Variants in CCDC66 observed in about 807,000 individuals in gnomAD.
CCDC66 encodes the protein coiled-coil domain-containing protein 66.
In CCDC66, 133 loss-of-function variants were observed where a neutral mutation model predicts 128.3. The ratio of observed to expected loss-of-function variants is 1.04; its 90% CI spans 0.90 to 1.20. The LOEUF (loss-of-function observed/expected upper bound fraction) is 1.20, where lower values mean the gene tolerates loss of function less well. Among genes scored for constraint, CCDC66 ranks in the 50% most tolerant of loss-of-function variants. The probability of loss-of-function intolerance (pLI) is 0.00; values close to 1 mark genes in which losing one functional copy is unlikely to be tolerated. For synonymous variants in CCDC66, 387 were observed against 357.0 expected (o/e 1.08, Z -0.95); for missense variants, 1,126 against 1,075.5 (o/e 1.05, Z -0.66).
chr3:56,559,610 TTGACC>T lies in CCDC66; in HGVS notation c.102+24_102+28del. On this transcript the variant is annotated intron_variant, in intron 3 of 17. Coordinates refer to ENST00000394672, the MANE Select transcript of CCDC66 (RefSeq NM_001141947.3). ...TTCTGTGAAGGTAAGCCGTATAACT[TTGACC>T]TGACCTGTTTTCAAATGTAAAATGC... 2 of 1,522,734 alleles carry T rather than the reference TTGACC, an allele frequency of 1.3e-6. No individual in the cohort carries two copies. The highest frequency in any genetic ancestry group is 1.8e-6 in the Non-Finnish European group (2 of 1,133,712). The allele number at this position is 1,522,734 out of a possible 1,614,324, so 94.3% of individuals were successfully genotyped here. A position where few individuals can be genotyped will look rare whatever the true frequency, so the allele number is the denominator to read the frequency against.
chr3:56,584,954 T>TGGCGGCACACGCCTGCAGTCGC (rs1397503243), intron 7 of CCDC66, among the ~76,000 whole-genome samples: 3 of 151,804 alleles, frequency 2.0e-5, no homozygotes, highest in Non-Finnish European at 4.4e-5. Context: ...CAGTCAGGCG[T>TGGCGGCACACGCCTGCAGTCGC]GGCGGCACAC....
In CCDC66 at chr3:56,566,738, A is replaced by T. The variant is rs746307461; in HGVS notation, c.689A>T (p.Gln230Leu). 1.2e-6 allele frequency: 2 copies of T among 1,610,450 alleles called. No homozygotes were observed. The highest frequency in any genetic ancestry group is 1.7e-6 in the Non-Finnish European group (2 of 1,178,378). ...AATGAACATCAGGAGACATCTAAAC[A>T]GTGTGAGCAAAAAATTGCCATGTAT... ...VLNEHQETSK[Q>L]CEQKIAIENE... The change falls in exon 5 of 18, where the codon CAG (glutamine) becomes CTG (leucine). Residue 230 changes from glutamine to leucine, a missense_variant. Physicochemically the swap from Gln to Leu is moderately radical, Grantham distance 113. Coordinates refer to ENST00000394672, the MANE Select transcript of CCDC66 (RefSeq NM_001141947.3).
chr3:56,596,664 ACT>A (rs1439434580), intron 10 of CCDC66, among the ~76,000 whole-genome samples: 3 of 149,042 alleles, frequency 2.0e-5, no homozygotes, highest in African/African-American at 7.5e-5. Context: ...TCGACCACAA[ACT>A]CTATACCAGT....
Position 56,621,541 on chromosome 3 carries a change from C to T in CCDC66, c.2770C>T (p.Gln924Ter), listed in dbSNP as rs377083364. The T allele has an allele frequency of 1.3e-5, 21 of 1,591,164 alleles. No individual in the cohort carries two copies. Among genetic ancestry groups the T allele is most frequent in the Non-Finnish European group, 1.8e-5 (21 of 1,169,304 alleles). ...ATCAATGTGATTTCAGGGCCTTCTC[C>T]AGAAGCAAAAGGAGTTGGAAAGTAG... ...GLSELRQGLL[Q>*]KQKELESSLL... The change falls in exon 18 of 18, where the codon CAG becomes TAG. Residue 924 changes from glutamine (Q) to a stop codon, truncating the protein, a stop_gained. Coordinates refer to ENST00000394672, the MANE Select transcript of CCDC66 (RefSeq NM_001141947.3). LOFTEE classifies it high-confidence loss of function.
intron 4 of CCDC66, among the ~76,000 whole-genome samples, chr3:56,564,355 G>T (rs1285725092): frequency 6.6e-6 from 1 of 152,022 alleles, no homozygotes; most frequent in Admixed American, 6.6e-5. Flanking sequence ...AGTTTCTGTG[G>T]ATTTTAGAAA....
rs2065471727 is a variant in CCDC66, at chr3:56,564,114, A to G, written c.533A>G (p.Lys178Arg). The G allele has an allele frequency of 2.5e-6, 4 of 1,589,068 alleles. No individual in the cohort carries two copies. Among genetic ancestry groups the G allele is most frequent in the Non-Finnish European group, 3.4e-6 (4 of 1,169,382 alleles). ...NRSLSLTENGKEAKSQYSLYL... is the reference protein window; with the variant it reads ...NRSLSLTENGREAKSQYSLYL... The stretch of plus-strand genomic sequence containing the variant: ...TCTCTTTCCCTGACTGAGAATGGAA[A>G]GGAGGCAAAAAGTAAGATTTTTCTA... The change falls in exon 4 of 18, where the codon AAG (lysine) becomes AGG (arginine). Residue 178 changes from lysine (K) to arginine (R), a missense_variant. By Grantham distance (26) the Lys-to-Arg change is conservative. Coordinates refer to ENST00000394672, the MANE Select transcript of CCDC66 (RefSeq NM_001141947.3).
chr3:56,557,410 T>C (rs1418344710), intron 1 of CCDC66, among the ~76,000 whole-genome samples, 157 bp downstream of exon 1: 1 of 151,788 alleles, frequency 6.6e-6, no homozygotes, highest in Non-Finnish European at 1.5e-5. Context: ...GGGTAGAAGA[T>C]CGAGGCAGAT....
chr3:56,589,245 CAAG>C (rs1420450953), intron 7 of CCDC66, among the ~76,000 whole-genome samples: 46 of 152,210 alleles, frequency 3.0e-4, no homozygotes, highest in African/African-American at 1.1e-3. Context: ...AAAATTGACA[CAAG>C]AAGCAGTAAA....
At chr3:56,571,835 C>G (rs2107859744) in intron 7 of CCDC66, among the ~76,000 whole-genome samples, 1 of 152,286 alleles carries the variant, frequency 6.6e-6, no homozygotes, top group East Asian at 1.9e-4. Flanking sequence ...CCTCCTGCCT[C>G]TGCCTCCCAA....
At chr3:56,621,354 G>GTGA (rs1455347099) in intron 17 of CCDC66, 178 bp from the exon 18 acceptor site, 1 of 410,318 alleles carries the variant, frequency 2.4e-6, no homozygotes, top group African/African-American at 2.1e-5. Context: ...TCTTACAAAT[G>GTGA]TGATAGCTAT....
chr3:56,583,197 A>G (rs2068738196), intron 7 of CCDC66, among the ~76,000 whole-genome samples: 1 of 151,802 alleles, frequency 6.6e-6, no homozygotes, highest in Non-Finnish European at 1.5e-5. Flanking sequence ...TATTATATGT[A>G]TTTGTGAAAT....
chr3:56,583,818 C>T (rs2068868577), intron 7 of CCDC66, among the ~76,000 whole-genome samples: 1 of 151,930 alleles, frequency 6.6e-6, no homozygotes, highest in Non-Finnish European at 1.5e-5. Flanking sequence ...TTGGGTACAC[C>T]TCCCAGACGG....
At chr3:56,571,446 G>A (rs369673524) in intron 7 of CCDC66, 144 bp downstream of exon 7, 1 of 516,598 alleles carries the variant, frequency 1.9e-6, no homozygotes. Flanking sequence ...CAGTGGCACA[G>A]TCTCAGCTCA....
intron 7 of CCDC66, among the ~76,000 whole-genome samples, chr3:56,586,001 G>T (rs2069632028): frequency 6.6e-6 from 1 of 151,796 alleles, no homozygotes. Flanking sequence ...TTTAAAGAAA[G>T]ACTTTAAAAG....
chr3:56,589,948 G>A (rs2070567988), intron 7 of CCDC66, among the ~76,000 whole-genome samples: 1 of 151,954 alleles, frequency 6.6e-6, no homozygotes, highest in Non-Finnish European at 1.5e-5. Context: ...GGTTCCAGAG[G>A]GAATTTAATT....
intron 7 of CCDC66, among the ~76,000 whole-genome samples, chr3:56,579,107 A>G (rs1165221919): frequency 1.3e-5 from 2 of 151,798 alleles, no homozygotes; most frequent in Non-Finnish European, 2.9e-5. Flanking sequence ...TGGTCTATTC[A>G]GGGATTCATC....
chr3:56,587,164 C>G (rs1035034451), intron 7 of CCDC66, among the ~76,000 whole-genome samples: 1 of 151,860 alleles, frequency 6.6e-6, no homozygotes, highest in East Asian at 2.0e-4. Flanking sequence ...TGTAGTTATT[C>G]GTCATGTGTA....
chr3:56,589,516 A>G (rs543633971), intron 7 of CCDC66, among the ~76,000 whole-genome samples: 4 of 152,322 alleles, frequency 2.6e-5, no homozygotes, highest in African/African-American at 7.2e-5. Context: ...GGTCTATTCA[A>G]TGAATGAAAG....
At chr3:56,573,577 CG>C (rs1330378848) in intron 7 of CCDC66, among the ~76,000 whole-genome samples, 1 of 152,168 alleles carries the variant, frequency 6.6e-6, no homozygotes. Flanking sequence ...AAAATGTCAG[CG>C]TTAGCATGAT....
Sources: gnomAD v4.1 joint callset for allele counts (sites outside exome capture counted in the v4.1 genomes callset) on GRCh38, gnomAD v4.1.1 for gene constraint, MANE v1.5 for transcripts, NCBI Gene and HGNC (gene_info 2026-07-23, HGNC 2026-07-21) for gene names.